The following PAXIP1 variants were observed in gnomAD, a reference collection of about 807,000 sequenced individuals.
PAXIP1 encodes the protein PAX-interacting protein 1.
PAXIP1 carries 19 observed loss-of-function variants against 140.6 expected under a neutral mutation model. The observed-to-expected ratio is 0.14, with a 90% CI of 0.09 to 0.20. The LOEUF (loss-of-function observed/expected upper bound fraction) is 0.20, where lower values mean the gene tolerates loss of function less well. Among genes scored for constraint, PAXIP1 ranks in the 10% least tolerant of loss-of-function variants. PAXIP1 has a pLI of 1.00. For synonymous variants in PAXIP1, 442 were observed against 444.6 expected, an observed-to-expected ratio of 0.99 and a Z score of 0.07; for missense variants, 920 against 1,208.6, an observed-to-expected ratio of 0.76 and a Z score of 3.54.
At position 154,946,759 on chromosome 7, in the gene PAXIP1, C is replaced by T. The variant is rs1808001055; in HGVS notation, c.2977G>A (p.Ala993Thr). The change falls in exon 18 of 21, where the codon GCA becomes ACA. Residue 993 changes from alanine (A) to threonine (T), a missense_variant. By Grantham distance (58) the Ala-to-Thr change is moderately conservative (BLOSUM62 0). Transcript: ENST00000404141. The surrounding 1 kb of genome is among the most constrained non-coding windows in gnomAD (Gnocchi z 4.9). ...GICPSLSTMK[A>T]IVECAGGKVL... is the part of the protein sequence containing the mutation. ...TTTCCTCCTGCACACTCTACGATTG[C>T]CTTCATAGTGGAAAGACTTGGGCAG... The T allele has an allele frequency of 1.9e-6, 3 of 1,612,336 alleles. No individual in the cohort carries two copies. The highest frequency in any genetic ancestry group is 2.5e-6 in the Non-Finnish European group (3 of 1,179,042).
intron 4 of PAXIP1, among the ~76,000 whole-genome samples, chr7:154,987,610 G>A (rs916012624): frequency 3.3e-5 from 5 of 152,160 alleles, no homozygotes; most frequent in African/African-American, 1.2e-4. Context: ...AGCCCAGAGT[G>A]TGTTTCAAAC....
intron 6 of PAXIP1, among the ~76,000 whole-genome samples, chr7:154,972,668 C>CCCT (rs774332775): frequency 1.2e-4 from 18 of 152,206 alleles, no homozygotes; most frequent in Non-Finnish European, 2.1e-4. Flanking sequence ...TCTCGAAGTG[C>CCCT]CAGAGGCTTA....
intron 5 of PAXIP1, among the ~76,000 whole-genome samples, chr7:154,979,593 G>A (rs1809748471): frequency 6.6e-6 from 1 of 151,368 alleles, no homozygotes; most frequent in African/African-American, 2.4e-5. Flanking sequence ...TGTGGTTATT[G>A]AGTTACATAA....
chr7:154,979,305 C>G (rs1046735707), intron 5 of PAXIP1, among the ~76,000 whole-genome samples: 1 of 152,066 alleles, frequency 6.6e-6, no homozygotes. Flanking sequence ...AACTTTTAAA[C>G]TTCAAGAGTA....
rs748626037 is a variant in PAXIP1 at position 154,946,783 on chromosome 7, A to G, written c.2953T>C (p.Cys985Arg). The change falls in exon 18 of 21, where the codon TGC (cysteine) becomes CGC (arginine). Residue 985 changes from cysteine to arginine, a missense_variant. By Grantham distance (180) the Cys-to-Arg change is radical. Transcript: ENST00000404141. The surrounding 1 kb of genome is among the most constrained non-coding windows in gnomAD (Gnocchi z 4.9). ...AKYFYITPGI[C>R]PSLSTMKAIV... ...GCCTTCATAGTGGAAAGACTTGGGC[A>G]GATTCCAGGTGTGATGTAAAAATAT... is the stretch of plus-strand genomic sequence containing the variant. 5 of 1,609,456 alleles carry G rather than the reference A, an allele frequency of 3.1e-6. No individual in the cohort carries two copies. The highest frequency in any genetic ancestry group is 1.7e-5 in the Admixed American group (1 of 59,506).
chr7:154,989,039 T>G (rs1240430484), intron 4 of PAXIP1, among the ~76,000 whole-genome samples: 3 of 152,070 alleles, frequency 2.0e-5, no homozygotes, highest in Non-Finnish European at 4.4e-5. Context: ...ATAACAGATA[T>G]GAAAAAACAT....
At chr7:154,984,633 G>A (rs1809988705) in intron 4 of PAXIP1, among the ~76,000 whole-genome samples, 1 of 152,136 alleles carries the variant, frequency 6.6e-6, no homozygotes, top group Non-Finnish European at 1.5e-5. Context: ...TGTTAATTTA[G>A]TAAGTCAATG....
At position 154,976,192 on chromosome 7, in the gene PAXIP1, T is replaced by A. The variant is rs766443526; in HGVS notation, c.578A>T (p.Glu193Val). Residue 193 changes from glutamate to valine, a missense_variant, in exon 6 of 21, where the codon GAG (glutamate) becomes GTG (valine). Coordinates refer to ENST00000404141, the MANE Select transcript of PAXIP1 (RefSeq NM_007349.4). ...TACTTCCTCCTCCTCTTCCTCTTCC[T>A]CTTCTTCCTCTTCATAAATAATCAG... ...PRLIIYEEEE[E>V]EEEEEEEVEN... 1.2e-6 allele frequency: 2 copies of A among 1,611,106 alleles called. No homozygotes were observed. The highest frequency in any genetic ancestry group is 1.7e-6 in the Non-Finnish European group (2 of 1,178,072).
chr7:154,986,281 T>C lies in PAXIP1; in HGVS notation c.325-2949A>G, dbSNP rs932984736. 4 of 744,264 alleles carry C rather than the reference T, an allele frequency of 5.4e-6. No homozygotes were observed. In the African/African-American group the frequency reaches 5.5e-5, roughly 10 times the overall value. 46.1% of individuals were successfully genotyped at this position (744,264 alleles called of 1,614,324 possible). On this transcript the variant is annotated intron_variant, in intron 4 of 20. Coordinates refer to ENST00000404141, the MANE Select transcript of PAXIP1 (RefSeq NM_007349.4). The surrounding 1 kb of genome is among the most constrained non-coding windows in gnomAD (Gnocchi z 4.8). ...GTGTGCATGTGAGTGTGTGTGCGCATGGGTGCTCCAGTGTGCAGAAAAGGT... is the reference window on the plus strand; with the variant it reads ...GTGTGCATGTGAGTGTGTGTGCGCACGGGTGCTCCAGTGTGCAGAAAAGGT...
rs1394134899 is a variant in PAXIP1 at position 154,998,728 on chromosome 7, G to C, written c.138C>G (p.Ala46=). The change falls in exon 2 of 21, where the codon GCC becomes GCG. Residue 46 remains alanine, a synonymous_variant. Coordinates refer to ENST00000404141, the MANE Select transcript of PAXIP1 (RefSeq NM_007349.4). ...KAKEVSYNAL[A]SHIISEDGDN... ...CCCCATCCTCTGAGATTATGTGTGA[G>C]GCTAGTGCATTGTAGGAAACTTCCT... The C allele has an allele frequency of 1.2e-6, 2 of 1,613,376 alleles. No homozygotes were observed. Among genetic ancestry groups the C allele is most frequent in the Admixed American group, 1.7e-5 (1 of 59,994 alleles).
Position 154,968,781 on chromosome 7 carries a change from G to C in PAXIP1, c.1420C>G (p.Gln474Glu). Residue 474 changes from glutamine (Q) to glutamate (E), a missense_variant, in exon 7 of 21, where the codon CAG (glutamine) becomes GAG (glutamate). This residue lies in a region of PAXIP1 where 133 missense variants were observed against 88.4 expected (regional missense o/e 1.50). Transcript: ENST00000404141. ...TGCAGCTGCTGTGGAGGATGCAACTGTTGCTGTGGAAACTGTAGCTGTTGC... is the reference window on the plus strand; with the variant it reads ...TGCAGCTGCTGTGGAGGATGCAACTCTTGCTGTGGAAACTGTAGCTGTTGC... ...SQQQLQFPQQQLHPPQQLHRP... is the reference protein window; with the variant it reads ...SQQQLQFPQQELHPPQQLHRP... 1 of 721,214 alleles carries C rather than the reference G, an allele frequency of 1.4e-6. No homozygotes were observed. The highest frequency in any genetic ancestry group is 1.5e-5 in the South Asian group (1 of 67,674). The allele number at this position is 721,214 out of a possible 1,614,324, so 44.7% of individuals were successfully genotyped here.
chr7:154,947,909 G>A lies in PAXIP1; in HGVS notation c.2916C>T (p.Leu972=). The change falls in exon 17 of 21, where the codon CTC becomes CTT. Residue 972 remains leucine (L), a synonymous_variant. Transcript: ENST00000404141. ...ESLKRAHVSP[L]FKAKYFYITP... Reference sequence around the variant, plus strand: ...CTTTTCCCTTAAAGTGTACCTTAAAGAGTGGAGAAACGTGTGCCCGTTTTA... The same window carrying A: ...CTTTTCCCTTAAAGTGTACCTTAAAAAGTGGAGAAACGTGTGCCCGTTTTA... 1.2e-6 allele frequency: 2 copies of A among 1,603,054 alleles called. No individual in the cohort carries two copies. The highest frequency in any genetic ancestry group is 1.7e-6 in the Non-Finnish European group (2 of 1,169,844).
Position 154,945,277 on chromosome 7 carries a change from G to A in PAXIP1, c.3194+1088C>T, listed in dbSNP as rs116371012. 700 of 155,682 alleles carry A rather than the reference G, an allele frequency of 4.5e-3. 7 individuals carry two copies. Among genetic ancestry groups the A allele is most frequent in the African/African-American group, 0.016 (646 of 41,568 alleles). 9.6% of individuals were successfully genotyped at this position (155,682 alleles called of 1,614,324 possible). A position where few individuals can be genotyped will look rare whatever the true frequency, so the allele number is the denominator to read the frequency against. The stretch of plus-strand genomic sequence containing the variant: ...ATTATAGGCATGAGCCACCACGTCC[G>A]GCCAAATTTTACTTCTTAAAAGTGC... On this transcript the variant is annotated intron_variant, in intron 20 of 20. Coordinates refer to ENST00000404141, the MANE Select transcript of PAXIP1 (RefSeq NM_007349.4).
At chr7:154,962,705 T>C in intron 9 of PAXIP1, 1 of 336,846 alleles carries the variant, frequency 3.0e-6, no homozygotes. Flanking sequence ...TACAACAACC[T>C]TAAAAATAAC....
chr7:154,979,894 G>A (rs927713208), intron 5 of PAXIP1, among the ~76,000 whole-genome samples: 1 of 152,126 alleles, frequency 6.6e-6, no homozygotes, highest in Non-Finnish European at 1.5e-5. Context: ...AAAGACAACA[G>A]ACAGACATGA....
chr7:154,995,084 CATGACTGA>C (rs1269132799), intron 2 of PAXIP1, among the ~76,000 whole-genome samples: 1 of 152,192 alleles, frequency 6.6e-6, no homozygotes, highest in Non-Finnish European at 1.5e-5. Context: ...CTCATGATGC[CATGACTGA>C]GCACTAAGGG....
In PAXIP1 at chr7:154,991,158, C is replaced by A. The variant is rs551941205; in HGVS notation, c.261-89G>T. The A allele has an allele frequency of 6.8e-4, 428 of 625,500 alleles. 1 individual carries two copies. Among genetic ancestry groups the A allele is most frequent in the Non-Finnish European group, 9.8e-4 (354 of 361,746 alleles). 38.7% of individuals were successfully genotyped at this position (625,500 alleles called of 1,614,324 possible). On this transcript the variant is annotated intron_variant, in intron 3 of 20. Transcript: ENST00000404141. Reference sequence around the variant, plus strand: ...ACATTACCCACCCACTCCGTCCCCACTCAGTCCATTTAAGAAAGAGACAGA... The same window carrying A: ...ACATTACCCACCCACTCCGTCCCCAATCAGTCCATTTAAGAAAGAGACAGA...
Position 154,963,613 on chromosome 7 carries a change from T to C in PAXIP1, c.1989+58A>G. On this transcript the variant is annotated intron_variant, in intron 9 of 20. Coordinates refer to ENST00000404141, the MANE Select transcript of PAXIP1 (RefSeq NM_007349.4). This position sits in a 1 kb window ranked among gnomAD's most constrained non-coding sequence, Gnocchi z 4.1. ...AAATAATAATCACTAGCATTTAAGA[T>C]TGCATATTAAAAATGCCAGACCTTG... 1.8e-6 allele frequency: 2 copies of C among 1,117,304 alleles called. No homozygotes were observed. The highest frequency in any genetic ancestry group is 1.3e-5 in the South Asian group (1 of 75,444). 69.2% of individuals were successfully genotyped at this position (1,117,304 alleles called of 1,614,324 possible).
rs181084156 is a variant in PAXIP1 at position 154,997,733 on chromosome 7, A to T, written c.216+917T>A. Among the ~76,000 whole-genome samples, 25 of 152,338 alleles carry T rather than the reference A, an allele frequency of 1.6e-4. No individual in the cohort carries two copies. The East Asian group carries it at 4.2e-3, about 26-fold the overall frequency. On this transcript the variant is annotated intron_variant, in intron 2 of 20. Transcript: ENST00000404141. Reference sequence around the variant, plus strand: ...GCTGAATCCCTCATTCTCTGCAATAAATTACCCATAGGTCAAGTTGGATAC... The same window carrying T: ...GCTGAATCCCTCATTCTCTGCAATATATTACCCATAGGTCAAGTTGGATAC...
Sources: gnomAD v4.1 joint callset for allele counts (sites outside exome capture counted in the v4.1 genomes callset) on GRCh38, gnomAD v4.1.1 for gene constraint, gnomAD v4.1.1 regional missense constraint, Gnocchi (gnomAD v3.1) non-coding constraint, MANE v1.5 for transcripts, NCBI Gene and HGNC (gene_info 2026-07-23, HGNC 2026-07-21) for gene names.